ATRAID: variants seen among roughly 807,000 people sequenced by gnomAD.
ATRAID encodes all-trans retinoic acid-induced differentiation factor.
ATRAID carries 26 observed loss-of-function variants against 28.8 expected under a neutral mutation model. That is an observed-to-expected ratio of 0.90 (90% CI 0.66 to 1.25). ATRAID has a LOEUF of 1.25. ATRAID is among the 50% of genes most tolerant of loss of function. The probability of loss-of-function intolerance (pLI) is 0.00; values close to 1 mark genes in which losing one functional copy is unlikely to be tolerated. For synonymous variants in ATRAID, 131 were observed against 108.5 expected (o/e 1.21, Z -1.29); for missense variants, 308 against 285.9 (o/e 1.08, Z -0.56).
chr2:27,216,129 G>A (rs554390964), intron 5 of ATRAID, among the ~76,000 whole-genome samples: 1 of 152,312 alleles, frequency 6.6e-6, no homozygotes, highest in Admixed American at 6.5e-5. Context: ...ATTCTCAAGG[G>A]TGGGGAGAAT....
At position 27,212,486 on chromosome 2, in the gene ATRAID, G is replaced by A; in HGVS notation, c.99+19G>A. The A allele has an allele frequency of 6.4e-7, 1 of 1,556,026 alleles. No homozygotes were observed. ...ACCCGAGGTACAGAAGCAAGTTTGAGGTCGGGCTGAAGCAGGGTCGCTGGC... is the reference window on the plus strand; with the variant it reads ...ACCCGAGGTACAGAAGCAAGTTTGAAGTCGGGCTGAAGCAGGGTCGCTGGC... On this transcript the variant is annotated intron_variant, in intron 1 of 6. Coordinates refer to ENST00000380171, the MANE Select transcript of ATRAID (RefSeq NM_001170795.4).
chr2:27,212,518 T>C, intron 1 of ATRAID, 51 bp downstream of exon 1: 1 of 1,511,106 alleles, frequency 6.6e-7, no homozygotes, highest in Non-Finnish European at 8.8e-7. Flanking sequence ...TGGCCAGCCG[T>C]GCGTCGCGCT....
intron 2 of ATRAID, among the ~76,000 whole-genome samples, chr2:27,214,302 G>A (rs1343514181): frequency 6.6e-6 from 1 of 152,136 alleles, no homozygotes; most frequent in African/African-American, 2.4e-5. Context: ...ATAAAGGAAT[G>A]GATAGCAGTA....
Position 27,212,107 on chromosome 2 carries a change from T to C in ATRAID, c.-262T>C. The C allele has an allele frequency of 6.8e-7, 1 of 1,474,650 alleles. No individual in the cohort carries two copies. Among genetic ancestry groups the C allele is most frequent in the Non-Finnish European group, 9.0e-7 (1 of 1,110,016 alleles). The allele number at this position is 1,474,650 out of a possible 1,614,324, so 91.3% of individuals were successfully genotyped here. A position where few individuals can be genotyped will look rare whatever the true frequency, so the allele number is the denominator to read the frequency against. The stretch of plus-strand genomic sequence containing the variant: ...AACACCGGGCTGAGGGAGTCTGCAG[T>C]CGGCTCCGGGAAGCCGCGCGGCGAC... On this transcript the variant is annotated 5_prime_UTR_variant, in exon 1 of 7. Coordinates refer to ENST00000380171, the MANE Select transcript of ATRAID (RefSeq NM_001170795.4).
intron 2 of ATRAID, among the ~76,000 whole-genome samples, chr2:27,213,616 C>T (rs1441080998): frequency 6.6e-6 from 1 of 152,168 alleles, no homozygotes; most frequent in East Asian, 1.9e-4. Flanking sequence ...TTTTAGAAAA[C>T]CAACATTTTC....
intron 2 of ATRAID, among the ~76,000 whole-genome samples, chr2:27,213,738 C>G (rs930938360): frequency 2.0e-5 from 3 of 152,158 alleles, no homozygotes; most frequent in Non-Finnish European, 2.9e-5. Context: ...AACATTATTT[C>G]CAATTACTTG....
intron 5 of ATRAID, 93 bp from the exon 6 acceptor site, chr2:27,216,430 A>C: frequency 9.8e-7 from 1 of 1,016,750 alleles, no homozygotes; most frequent in Non-Finnish European, 1.5e-6. Context: ...TATCCTAGCA[A>C]TGATTGAGAG....
rs1003859670 is a variant in ATRAID, at chr2:27,213,012, C to T, written c.100-165C>T. On this transcript the variant is annotated intron_variant, in intron 1 of 6. Transcript: ENST00000380171. ...GACTCTGGAGGAAGAGATGGCATCTCCTAGCCTAGCCTGTTACAAGGGTGG... is the reference window on the plus strand; with the variant it reads ...GACTCTGGAGGAAGAGATGGCATCTTCTAGCCTAGCCTGTTACAAGGGTGG... The T allele has an allele frequency of 1.1e-5, 9 of 824,074 alleles. No homozygotes were observed. In the Admixed American group the frequency reaches 2.0e-4, roughly 18 times the overall value. 51.0% of individuals were successfully genotyped at this position (824,074 alleles called of 1,614,324 possible).
In ATRAID at chr2:27,217,066, C is replaced by T. The variant is rs1454147021; in HGVS notation, c.*118C>T. The stretch of plus-strand genomic sequence containing the variant: ...TGGATTCGCCTCAAGGTTGAGGCCG[C>T]CATTGGAAGATGAAAAATTGCACTC... On this transcript the variant is annotated 3_prime_UTR_variant, in exon 7 of 7. Coordinates refer to ENST00000380171, the MANE Select transcript of ATRAID (RefSeq NM_001170795.4). The T allele has an allele frequency of 4.9e-6, 4 of 823,900 alleles. No individual in the cohort carries two copies. Among genetic ancestry groups the T allele is most frequent in the Non-Finnish European group, 7.4e-6 (4 of 537,000 alleles). 51.0% of individuals were successfully genotyped at this position (823,900 alleles called of 1,614,324 possible).
chr2:27,216,810 T>G (rs559252443), intron 6 of ATRAID, 34 bp from the exon 7 acceptor site: 10 of 1,569,416 alleles, frequency 6.4e-6, no homozygotes, highest in Non-Finnish European at 8.8e-6. Context: ...CGTGTAACGT[T>G]GTATGGGGGT....
In ATRAID at chr2:27,215,403, A is replaced by C. The variant is rs748602378; in HGVS notation, c.293+11A>C. 1 of 1,614,168 alleles carries C rather than the reference A, an allele frequency of 6.2e-7. No homozygotes were observed. The highest frequency in any genetic ancestry group is 8.5e-7 in the Non-Finnish European group (1 of 1,179,984). ...TACCACTGTCATCATGTAAGTAGTTAGGTACCTCCCACCCAAAAGGCTAAT... is the reference window on the plus strand; with the variant it reads ...TACCACTGTCATCATGTAAGTAGTTCGGTACCTCCCACCCAAAAGGCTAAT... On this transcript the variant is annotated intron_variant, in intron 3 of 6. Transcript: ENST00000380171.
At chr2:27,214,088 T>C (rs1674732487) in intron 2 of ATRAID, among the ~76,000 whole-genome samples, 2 of 152,250 alleles carry the variant, frequency 1.3e-5, no homozygotes. Context: ...CTGTAATCTT[T>C]AGTGTCCACT....
chr2:27,213,902 A>G (rs1572411373), intron 2 of ATRAID, among the ~76,000 whole-genome samples: 1 of 152,314 alleles, frequency 6.6e-6, no homozygotes, highest in East Asian at 1.9e-4. Context: ...TTTTGTGAAT[A>G]TTTACTACTA....
chr2:27,212,640 C>T (rs1350404078), intron 1 of ATRAID, 173 bp downstream of exon 1: 1 of 1,404,938 alleles, frequency 7.1e-7, no homozygotes, highest in South Asian at 1.6e-5. Context: ...TCGTGCAGGC[C>T]TTCGGCGCCC....
chr2:27,214,602 C>T (rs1674753669), intron 2 of ATRAID, among the ~76,000 whole-genome samples: 1 of 152,024 alleles, frequency 6.6e-6, no homozygotes, highest in African/African-American at 2.4e-5. Context: ...GCCTGTAATC[C>T]CAGCACTTTG....
Position 27,212,258 on chromosome 2 carries a change from G to A in ATRAID, c.-111G>A. The stretch of plus-strand genomic sequence containing the variant: ...GGAAAAGCCCCCAAGCAGCCCCAGG[G>A]CGACTGGACCGGGCCGCTTAGGCCA... On this transcript the variant is annotated 5_prime_UTR_variant, in exon 1 of 7. Coordinates refer to ENST00000380171, the MANE Select transcript of ATRAID (RefSeq NM_001170795.4). The A allele has an allele frequency of 6.4e-7, 1 of 1,559,442 alleles. No individual in the cohort carries two copies. Among genetic ancestry groups the A allele is most frequent in the Non-Finnish European group, 8.7e-7 (1 of 1,152,206 alleles).
At chr2:27,214,225 T>C (rs1674739090) in intron 2 of ATRAID, among the ~76,000 whole-genome samples, 1 of 152,252 alleles carries the variant, frequency 6.6e-6, no homozygotes, top group African/African-American at 2.4e-5. Context: ...GCCAAAATAC[T>C]GTGTTACATA....
chr2:27,212,140 GC>G lies in ATRAID; in HGVS notation c.-227del. 4 of 1,521,394 alleles carry G rather than the reference GC, an allele frequency of 2.6e-6. No homozygotes were observed. The highest frequency in any genetic ancestry group is 3.5e-6 in the Non-Finnish European group (4 of 1,137,514). The allele number at this position is 1,521,394 out of a possible 1,614,324, so 94.2% of individuals were successfully genotyped here. A position where few individuals can be genotyped will look rare whatever the true frequency, so the allele number is the denominator to read the frequency against. On this transcript the variant is annotated 5_prime_UTR_variant, in exon 1 of 7. Coordinates refer to ENST00000380171, the MANE Select transcript of ATRAID (RefSeq NM_001170795.4). ...GGGAAGCCGCGCGGCGACGGGGGAGGCCTTCACTAAAGGGGAAAAGGAAGAG... is the reference window on the plus strand; with the variant it reads ...GGGAAGCCGCGCGGCGACGGGGGAGGCTTCACTAAAGGGGAAAAGGAAGAG...
At position 27,212,217 on chromosome 2, in the gene ATRAID, C is replaced by CAGAG. The variant is rs1674591257; in HGVS notation, c.-151_-148dup. 6.4e-7 allele frequency: 1 copy of CAGAG among 1,558,680 alleles called. No individual in the cohort carries two copies. The highest frequency in any genetic ancestry group is 1.4e-5 in the African/African-American group (1 of 73,798). On this transcript the variant is annotated 5_prime_UTR_variant, in exon 1 of 7. The change creates a premature stop within an existing upstream ORF in the 5' untranslated region. Coordinates refer to ENST00000380171, the MANE Select transcript of ATRAID (RefSeq NM_001170795.4). ...GGGCTAGGGCGCATGAAGACCAGCG[C>CAGAG]AGAGCTCCACGAGCAGGAAAAGCCC...
Sources: allele counts gnomAD v4.1 joint callset (sites outside exome capture counted in the v4.1 genomes callset), GRCh38; gene constraint gnomAD v4.1.1; transcripts MANE v1.5; gene names NCBI Gene and HGNC (gene_info 2026-07-23, HGNC 2026-07-21).